Variants in NDST4 observed in about 807,000 individuals in gnomAD.
NDST4 encodes N-heparan sulfate sulfotransferase 4.
A neutral mutation model predicts 100.8 loss-of-function variants in NDST4; 63 were observed. The observed-to-expected ratio is 0.62, with a 90% CI of 0.51 to 0.77. The LOEUF (loss-of-function observed/expected upper bound fraction) is 0.77, where lower values mean the gene tolerates loss of function less well. Among genes scored for constraint, NDST4 ranks in the 30% least tolerant of loss-of-function variants. The pLI, the probability that NDST4 is intolerant of heterozygous loss-of-function variation, is 0.00. For synonymous variants in NDST4, 377 were observed against 361.8 expected (o/e 1.04, Z -0.48); for missense variants, 943 against 1,018.4 (o/e 0.93, Z 1.01).
At chr4:115,108,906 A>G (rs774548342) in intron 1 of NDST4, among the ~76,000 whole-genome samples, 9 of 151,790 alleles carry the variant, frequency 5.9e-5, no homozygotes, top group Non-Finnish European at 7.4e-5. Context: ...ATTACACAAG[A>G]GAGCATGTAA....
chr4:115,052,887 G>T (rs1370472543), intron 2 of NDST4, among the ~76,000 whole-genome samples: 2 of 152,024 alleles, frequency 1.3e-5, no homozygotes, highest in African/African-American at 4.8e-5. Context: ...AGATATTTAC[G>T]AAAAAACAGT....
chr4:115,010,642 T>A (rs1429721120), intron 2 of NDST4, among the ~76,000 whole-genome samples: 1 of 70,090 alleles, frequency 1.4e-5, no homozygotes, highest in Non-Finnish European at 3.0e-5. Context: ...CATATGTAAC[T>A]AACCTGCACA....
chr4:114,943,221 A>G (rs1725788025), intron 4 of NDST4, among the ~76,000 whole-genome samples: 1 of 151,504 alleles, frequency 6.6e-6, no homozygotes, highest in Non-Finnish European at 1.5e-5. Flanking sequence ...AAACAGGACA[A>G]ATAGGTATTC....
chr4:114,991,665 A>G (rs1043707452), intron 2 of NDST4, among the ~76,000 whole-genome samples: 3 of 152,042 alleles, frequency 2.0e-5, no homozygotes, highest in African/African-American at 4.8e-5. Flanking sequence ...ATCAAAACAG[A>G]TAATATGAAC....
At chr4:115,039,429 T>C (rs1014451156) in intron 2 of NDST4, among the ~76,000 whole-genome samples, 2 of 141,784 alleles carry the variant, frequency 1.4e-5, no homozygotes, top group Non-Finnish European at 3.0e-5. Context: ...GGACACATTC[T>C]ACACTGAAAG....
intron 1 of NDST4, among the ~76,000 whole-genome samples, chr4:115,091,685 C>T (rs1698713966): frequency 1.3e-5 from 2 of 152,038 alleles, no homozygotes; most frequent in Admixed American, 1.3e-4. Context: ...AATACATGTT[C>T]ATATGCAGTT....
At chr4:114,901,822 TCTTC>T (rs1297095410) in intron 6 of NDST4, among the ~76,000 whole-genome samples, 1 of 151,932 alleles carries the variant, frequency 6.6e-6, no homozygotes, top group Non-Finnish European at 1.5e-5. Flanking sequence ...CTTCTTTTCT[TCTTC>T]CTTTTTTCTT....
intron 6 of NDST4, among the ~76,000 whole-genome samples, chr4:114,921,607 G>A (rs981308228): frequency 6.6e-6 from 1 of 151,966 alleles, no homozygotes; most frequent in African/African-American, 2.4e-5. Context: ...ATCTTATACT[G>A]TTTGTGTAAA....
At chr4:115,103,639 ATAC>A (rs1256455273) in intron 1 of NDST4, among the ~76,000 whole-genome samples, 2 of 152,202 alleles carry the variant, frequency 1.3e-5, no homozygotes, top group African/African-American at 2.4e-5. Context: ...CATAAGAGGC[ATAC>A]TCCATTCAAT....
At chr4:114,926,417 A>T (rs1241956508) in intron 6 of NDST4, among the ~76,000 whole-genome samples, 1 of 152,140 alleles carries the variant, frequency 6.6e-6, no homozygotes, top group Non-Finnish European at 1.5e-5. Flanking sequence ...AGGAGTTCAT[A>T]TGTAAATCAA....
intron 2 of NDST4, among the ~76,000 whole-genome samples, chr4:115,027,367 G>C (rs1328395982): frequency 6.6e-6 from 1 of 152,092 alleles, no homozygotes; most frequent in Non-Finnish European, 1.5e-5. Context: ...TTCTGGGTGA[G>C]ATCATTGTAT....
At chr4:115,091,795 A>G (rs1360010202) in intron 1 of NDST4, among the ~76,000 whole-genome samples, 2 of 152,088 alleles carry the variant, frequency 1.3e-5, no homozygotes, top group East Asian at 3.9e-4. Flanking sequence ...ACATATATAT[A>G]ATAGATTTTA....
At chr4:114,973,302 G>A (rs945128922) in intron 3 of NDST4, among the ~76,000 whole-genome samples, 2 of 150,376 alleles carry the variant, frequency 1.3e-5, no homozygotes, top group Non-Finnish European at 3.0e-5. Flanking sequence ...AAGTATATGT[G>A]GAAATATCAT....
chr4:114,855,013 G>A (rs1560780151), intron 7 of NDST4, among the ~76,000 whole-genome samples: 1 of 152,076 alleles, frequency 6.6e-6, no homozygotes, highest in African/African-American at 2.4e-5. Context: ...GTTTTGATTT[G>A]CATTTCTCTG....
Position 115,003,076 on chromosome 4 carries a change from C to A in NDST4, c.979-25802G>T, listed in dbSNP as rs1021332866. Among the ~76,000 whole-genome samples, 18 of 151,948 alleles carry A rather than the reference C, an allele frequency of 1.2e-4. 1 individual carries two copies. Among genetic ancestry groups the A allele is most frequent in the African/African-American group, 4.4e-4 (18 of 41,370 alleles). On this transcript the variant is annotated intron_variant, in intron 2 of 13. Transcript: ENST00000264363. ...GGGAACATCATACACTGGGGCCTGACCAGGGCTGCAGGGACAAAGGGAGGG... is the reference window on the plus strand; with the variant it reads ...GGGAACATCATACACTGGGGCCTGAACAGGGCTGCAGGGACAAAGGGAGGG...
rs1168817538 is a variant in NDST4 at position 114,843,732 on chromosome 4, A to AT, written c.2115+2090dup. Among the ~76,000 whole-genome samples, 4 of 151,678 alleles carry AT rather than the reference A, an allele frequency of 2.6e-5. No homozygotes were observed. In the South Asian group the frequency reaches 8.3e-4, roughly 32 times the overall value. Reference sequence around the variant, plus strand: ...CGAATCAGTGCCACTGCACTCCTGAATTTTTTTCTTCTATTTTGGCTATAT... The same window carrying AT: ...CGAATCAGTGCCACTGCACTCCTGAATTTTTTTTCTTCTATTTTGGCTATAT... On this transcript the variant is annotated intron_variant, in intron 10 of 13. Transcript: ENST00000264363.
chr4:114,878,478 G>GTT (rs1724302043), intron 6 of NDST4, among the ~76,000 whole-genome samples: 1 of 152,152 alleles, frequency 6.6e-6, no homozygotes, highest in African/African-American at 2.4e-5. Flanking sequence ...TATCCCAGAA[G>GTT]TTTGTATTTA....
In NDST4 at chr4:114,852,739, C is replaced by A; in HGVS notation, c.1802G>T (p.Gly601Val). Reference protein sequence around the residue: ...CDHLPKFLVIGPQKTGTTALY... With the variant: ...CDHLPKFLVIVPQKTGTTALY... ...GCTATTTTTACCTGTTTTTTGTGGA[C>A]CAATTACTAGAAATTTTGGTAAGTG... The change falls in exon 8 of 14, where the codon GGT (glycine) becomes GTT (valine). Residue 601 changes from glycine to valine, a missense_variant. This residue lies in a region of NDST4 where 526 missense variants were observed against 634.1 expected (regional missense o/e 0.83). Transcript: ENST00000264363. The A allele has an allele frequency of 6.2e-7, 1 of 1,607,680 alleles. No homozygotes were observed.
intron 2 of NDST4, among the ~76,000 whole-genome samples, chr4:115,025,744 A>C (rs994867071): frequency 8.5e-5 from 13 of 152,154 alleles, no homozygotes; most frequent in African/African-American, 2.9e-4. Context: ...ATTTAAAGTG[A>C]TGCCTGAATT....
Sources: gnomAD v4.1 joint callset for allele counts (sites outside exome capture counted in the v4.1 genomes callset) on GRCh38, gnomAD v4.1.1 for gene constraint, gnomAD v4.1.1 regional missense constraint, MANE v1.5 for transcripts, NCBI Gene and HGNC (gene_info 2026-07-23, HGNC 2026-07-21) for gene names.